Variants in PARG observed in about 807,000 individuals in gnomAD.
PARG encodes the protein mitochondrial poly(ADP-ribose) glycohydrolase.
PARG carries 35 observed loss-of-function variants against 113.0 expected under a neutral mutation model. The observed-to-expected ratio is 0.31, with a 90% CI of 0.24 to 0.41. The LOEUF is 0.41. PARG is among the 10% of genes least tolerant of loss of function. PARG has a pLI of 1.00. For missense variants in PARG, 797 were observed against 1,169.4 expected (o/e 0.68, Z 4.64); for synonymous variants, 330 against 409.9 (o/e 0.81, Z 2.36).
chr10:49,889,189 G>GTGTC (rs202021283), intron 7 of PARG, among the ~76,000 whole-genome samples: 9,386 of 151,046 alleles, frequency 0.062, 413 homozygotes, highest in Non-Finnish European at 0.099. Flanking sequence ...TATTCTCCTG[G>GTGTC]TGTCTATTGA....
Position 49,933,362 on chromosome 10 carries a change from A to G in PARG, c.1086T>C (p.Gly362=), listed in dbSNP as rs2132976378. The G allele has an allele frequency of 4.3e-6, 7 of 1,612,960 alleles. 1 individual carries two copies. In the South Asian group the frequency reaches 7.7e-5, roughly 18 times the overall value. Residue 362 remains glycine, a synonymous_variant, in exon 3 of 18, where the codon GGT becomes GGC. Transcript: ENST00000616448. ...CAAATTGGAAATGTAATCTAACTTC[A>G]CCGCCCTTAGTAGAGTACCGTTTCC... ...EFRKRYSTKG[G]EVRLHFQFEG...
intron 7 of PARG, among the ~76,000 whole-genome samples, chr10:49,886,252 G>T (rs1223385044): frequency 1.3e-5 from 2 of 152,128 alleles, no homozygotes; most frequent in Non-Finnish European, 2.9e-5. Flanking sequence ...TTCCCTATGT[G>T]ACCAATGTTT....
chr10:49,833,752 T>G (rs1554830696), intron 15 of PARG, among the ~76,000 whole-genome samples: 4 of 152,200 alleles, frequency 2.6e-5, no homozygotes, highest in African/African-American at 9.6e-5. Context: ...GTGATCAGAC[T>G]GTAACAGGCT....
chr10:49,927,584 G>A (rs1838271530), intron 4 of PARG, among the ~76,000 whole-genome samples: 1 of 152,070 alleles, frequency 6.6e-6, no homozygotes, highest in African/African-American at 2.4e-5. Context: ...AGGAAAATAA[G>A]AATTGGCTAA....
At chr10:49,904,917 A>AAAATAAATAAATAAATAAAT (rs60426487) in intron 7 of PARG, among the ~76,000 whole-genome samples, 4 of 147,800 alleles carry the variant, frequency 2.7e-5, no homozygotes, top group African/African-American at 1.0e-4. Flanking sequence ...GAACATCTCA[A>AAAATAAATAAATAAATAAAT]AAATAAATAA....
chr10:49,933,599 T>A lies in PARG; in HGVS notation c.849A>T (p.Arg283Ser). The A allele has an allele frequency of 1.2e-6, 2 of 1,609,976 alleles. No homozygotes were observed. Among genetic ancestry groups the A allele is most frequent in the Non-Finnish European group, 1.7e-6 (2 of 1,176,312 alleles). The change falls in exon 3 of 18, where the codon AGA (arginine) becomes AGT (serine). Residue 283 changes from arginine to serine, a missense_variant. Coordinates refer to ENST00000616448, the MANE Select transcript of PARG (RefSeq NM_003631.5). ...GAGAATTTCCTAGGCAACTTTCTTG[T>A]CTAGTCAATTTGTTGTCATTTTTTG... ...TGPKNDNKLTRQESCLGNSPP... is the reference protein window; with the variant it reads ...TGPKNDNKLTSQESCLGNSPP...
intron 1 of PARG, among the ~76,000 whole-genome samples, chr10:49,937,949 G>C (rs1375644816): frequency 1.3e-5 from 2 of 152,296 alleles, no homozygotes; most frequent in East Asian, 3.9e-4. Flanking sequence ...CACACCACAG[G>C]ACTGTGTCAG....
At chr10:49,853,034 ATTT>A (rs4012511) in intron 13 of PARG, among the ~76,000 whole-genome samples, 2 of 133,808 alleles carry the variant, frequency 1.5e-5, no homozygotes, top group Admixed American at 7.7e-5. Context: ...TAAAAAAAAA[ATTT>A]TTTTTTTTTT....
At chr10:49,822,843 C>T (rs560346700) in intron 16 of PARG, among the ~76,000 whole-genome samples, 3 of 152,264 alleles carry the variant, frequency 2.0e-5, no homozygotes, top group East Asian at 3.9e-4. Context: ...ATAACCTCAA[C>T]CTCATCACAA....
At chr10:49,896,057 C>G (rs1288284603) in intron 7 of PARG, among the ~76,000 whole-genome samples, 1 of 152,144 alleles carries the variant, frequency 6.6e-6, no homozygotes, top group East Asian at 1.9e-4. Flanking sequence ...TTACTTCTTC[C>G]TTTCTGATTT....
intron 16 of PARG, among the ~76,000 whole-genome samples, chr10:49,828,412 G>A (rs1222827362): frequency 2.0e-5 from 3 of 152,178 alleles, no homozygotes; most frequent in Non-Finnish European, 2.9e-5. Context: ...AATAAGTAGA[G>A]CTTGCACTGG....
chr10:49,933,764 G>C lies in PARG; in HGVS notation c.684C>G (p.Ala228=). The C allele has an allele frequency of 6.2e-7, 1 of 1,613,334 alleles. No homozygotes were observed. Among genetic ancestry groups the C allele is most frequent in the Non-Finnish European group, 8.5e-7 (1 of 1,179,390 alleles). Residue 228 remains alanine (A), a synonymous_variant, in exon 3 of 18, where the codon GCC becomes GCG. Transcript: ENST00000616448. ...ACTTCTGGTGGCTTTTGGCTTCTCTGGCCTGTTCATCTTCTGTAGTCTGCT... is the reference window on the plus strand; with the variant it reads ...ACTTCTGGTGGCTTTTGGCTTCTCTCGCCTGTTCATCTTCTGTAGTCTGCT... ...NAKQTTEDEQ[A]REAKSHQKCS...
intron 7 of PARG, among the ~76,000 whole-genome samples, chr10:49,912,006 T>C (rs1480026179): frequency 2.6e-5 from 4 of 152,160 alleles, no homozygotes; most frequent in Non-Finnish European, 5.9e-5. Context: ...AAGTAAAGAA[T>C]TTCCAAATTC....
intron 17 of PARG, 66 bp downstream of exon 17, chr10:49,820,099 A>G: frequency 9.0e-7 from 1 of 1,106,888 alleles, no homozygotes; most frequent in Non-Finnish European, 1.3e-6. Flanking sequence ...CAGATTTAGC[A>G]AGTGTTCCCA....
chr10:49,819,313 GGGA>G lies in PARG; in HGVS notation c.*24_*26del, dbSNP rs1294071699. The G allele has an allele frequency of 3.9e-6, 6 of 1,538,646 alleles. No homozygotes were observed. The African/African-American group carries it at 8.3e-5, about 21-fold the overall frequency. ...AAACAGGACGTCTCTGGTGGGAGGT[GGGA>G]GGAGATGCTATTCGCTCGGCTCCTC... On this transcript the variant is annotated 3_prime_UTR_variant, in exon 18 of 18. Coordinates refer to ENST00000616448, the MANE Select transcript of PARG (RefSeq NM_003631.5).
chr10:49,930,562 T>C (rs1838432802), intron 4 of PARG, among the ~76,000 whole-genome samples: 1 of 152,226 alleles, frequency 6.6e-6, no homozygotes, highest in Non-Finnish European at 1.5e-5. Flanking sequence ...CTGTTTTCCA[T>C]TTCTAAAACA....
At chr10:49,922,470 A>G in intron 5 of PARG, 51 bp from the exon 6 acceptor site, 4 of 1,609,774 alleles carry the variant, frequency 2.5e-6, no homozygotes, top group African/African-American at 1.3e-5. Context: ...GTTGTTTTGC[A>G]TCACAGAATC....
chr10:49,922,030 C>A (rs1837900402), intron 6 of PARG, among the ~76,000 whole-genome samples: 1 of 152,040 alleles, frequency 6.6e-6, no homozygotes, highest in South Asian at 2.1e-4. Context: ...ATTTCAGAAA[C>A]ATGATAATTT....
At chr10:49,824,350 T>C (rs1337851809) in intron 16 of PARG, among the ~76,000 whole-genome samples, 1 of 152,194 alleles carries the variant, frequency 6.6e-6, no homozygotes, top group Non-Finnish European at 1.5e-5. Flanking sequence ...CTCTCTTGCA[T>C]CAAAAGTTAG....
Sources: allele counts gnomAD v4.1 joint callset (sites outside exome capture counted in the v4.1 genomes callset), GRCh38; gene constraint gnomAD v4.1.1; transcripts MANE v1.5; gene names NCBI Gene and HGNC (gene_info 2026-07-23, HGNC 2026-07-21).